Variants in PTER observed in about 807,000 individuals in gnomAD.
The protein encoded by PTER is N-acetyltaurine hydrolase.
A neutral mutation model predicts 29.6 loss-of-function variants in PTER; 38 were observed. The ratio of observed to expected loss-of-function variants is 1.28; its 90% CI spans 0.99 to 1.68. The LOEUF (loss-of-function observed/expected upper bound fraction) is 1.68. Ranked by LOEUF, PTER falls within the 40% of genes most tolerant of loss-of-function variation. The probability of loss-of-function intolerance (pLI) is 0.00; values close to 1 mark genes in which losing one functional copy is unlikely to be tolerated. For missense variants in PTER, 482 were observed against 427.8 expected, an observed-to-expected ratio of 1.13 and a Z score of -1.12; for synonymous variants, 172 against 154.5, an observed-to-expected ratio of 1.11 and a Z score of -0.84.
At chr10:16,509,349 T>A (rs1348091264) in intron 4 of PTER, among the ~76,000 whole-genome samples, 1 of 152,236 alleles carries the variant, frequency 6.6e-6, no homozygotes, top group African/African-American at 2.4e-5. Flanking sequence ...CGGTTTTAAG[T>A]ATGAGTATCT....
intron 1 of PTER, among the ~76,000 whole-genome samples, chr10:16,462,348 G>T (rs1834644790): frequency 6.6e-6 from 1 of 152,068 alleles, no homozygotes; most frequent in Non-Finnish European, 1.5e-5. Context: ...TGTCAAAGTG[G>T]TTTACTTCCT....
rs533214450 is a variant in PTER, at chr10:16,503,012, C to A, written c.699-2008C>A. Among the ~76,000 whole-genome samples the A allele has an allele frequency of 1.2e-3, 160 of 135,368 alleles. 1 individual carries two copies. Among genetic ancestry groups the A allele is most frequent in the African/African-American group, 4.1e-3 (146 of 35,420 alleles). The allele number at this position is 135,368 out of a possible 152,430, so 88.8% of individuals were successfully genotyped here. A position where few individuals can be genotyped will look rare whatever the true frequency, so the allele number is the denominator to read the frequency against. On this transcript the variant is annotated intron_variant, in intron 3 of 4. Coordinates refer to ENST00000535784, the MANE Select transcript of PTER (RefSeq NM_001261836.2). ...TCAAAAAAAAAAAAAAAAAAAAAAT[C>A]TCTGAAAATACTTCTGACCTCTTAG...
At chr10:16,503,756 T>A (rs1836454589) in intron 3 of PTER, among the ~76,000 whole-genome samples, 1 of 152,168 alleles carries the variant, frequency 6.6e-6, no homozygotes, top group Non-Finnish European at 1.5e-5. Context: ...GCTAGACTGG[T>A]CTGGAACACC....
At chr10:16,485,823 GT>G (rs1324959722) in intron 2 of PTER, among the ~76,000 whole-genome samples, 1 of 152,162 alleles carries the variant, frequency 6.6e-6, no homozygotes, top group Non-Finnish European at 1.5e-5. Context: ...GCCTTGTGCG[GT>G]GATGCAAGCG....
chr10:16,472,815 A>G (rs1267367621), intron 1 of PTER, among the ~76,000 whole-genome samples: 1 of 152,230 alleles, frequency 6.6e-6, no homozygotes, highest in Admixed American at 6.5e-5. Context: ...CAAATAAAAT[A>G]CACTGTGCTT....
At chr10:16,509,057 GTC>G (rs1364200717) in intron 4 of PTER, among the ~76,000 whole-genome samples, 1 of 152,168 alleles carries the variant, frequency 6.6e-6, no homozygotes, top group African/African-American at 2.4e-5. Flanking sequence ...ACACTTTGTA[GTC>G]TCTCTCTAAT....
In PTER at chr10:16,451,742, G is replaced by C. The variant is rs896095660; in HGVS notation, c.-49+14695G>C. On this transcript the variant is annotated intron_variant, in intron 1 of 4. Coordinates refer to ENST00000535784, the MANE Select transcript of PTER (RefSeq NM_001261836.2). ...TAAATAAATAAATAAAATAAAATTG[G>C]ACAGTAGTTTTCTCTGCCTAATTAG... Among the ~76,000 whole-genome samples the C allele has an allele frequency of 3.9e-5, 6 of 152,152 alleles. No homozygotes were observed. The South Asian group carries it at 1.2e-3, about 32-fold the overall frequency.
At chr10:16,458,242 C>G (rs1445345944) in intron 1 of PTER, among the ~76,000 whole-genome samples, 2 of 151,434 alleles carry the variant, frequency 1.3e-5, no homozygotes, top group Non-Finnish European at 2.9e-5. Context: ...TTTTTAAGCT[C>G]TCATATCACA....
At chr10:16,461,742 AC>A (rs981224153) in intron 1 of PTER, among the ~76,000 whole-genome samples, 12 of 152,152 alleles carry the variant, frequency 7.9e-5, no homozygotes, top group African/African-American at 2.7e-4. Context: ...CAAACTCTCA[AC>A]AAAATTTTGA....
At chr10:16,442,028 C>T (rs1165221663) in intron 1 of PTER, among the ~76,000 whole-genome samples, 1 of 152,054 alleles carries the variant, frequency 6.6e-6, no homozygotes, top group African/African-American at 2.4e-5. Flanking sequence ...GTAATAGCAA[C>T]TTATCTTGCA....
Position 16,459,898 on chromosome 10 carries a change from C to T in PTER, c.-49+22851C>T, listed in dbSNP as rs545748079. Among the ~76,000 whole-genome samples, 49 of 152,222 alleles carry T rather than the reference C, an allele frequency of 3.2e-4. 1 individual carries two copies. In the South Asian group the frequency reaches 7.5e-3, roughly 23 times the overall value. ...GAGTGGCTGGGATTACAGGCATGCG[C>T]CACCATGCCTGGGTAATTTTGTATT... On this transcript the variant is annotated intron_variant, in intron 1 of 4. Transcript: ENST00000535784.
intron 4 of PTER, among the ~76,000 whole-genome samples, chr10:16,509,570 G>A (rs569410542): frequency 1.2e-3 from 183 of 152,268 alleles, no homozygotes; most frequent in African/African-American, 3.9e-3. Context: ...CTCCTATACC[G>A]TGATACTTCT....
chr10:16,464,790 G>A (rs565253282), intron 1 of PTER, among the ~76,000 whole-genome samples: 35 of 152,254 alleles, frequency 2.3e-4, no homozygotes, highest in Admixed American at 7.2e-4. Context: ...CTTTGTACCT[G>A]TATCCATCCA....
intron 1 of PTER, among the ~76,000 whole-genome samples, chr10:16,479,141 A>G (rs1181221667): frequency 6.6e-6 from 1 of 151,946 alleles, no homozygotes; most frequent in African/African-American, 2.4e-5. Flanking sequence ...TCCAACGACA[A>G]GCTGCTCATT....
chr10:16,499,301 G>C (rs920153260), intron 3 of PTER, among the ~76,000 whole-genome samples: 11 of 151,906 alleles, frequency 7.2e-5, no homozygotes, highest in African/African-American at 2.7e-4. Flanking sequence ...TTATTTTCAG[G>C]ACTTTCCTTT....
At chr10:16,503,909 G>A (rs1309641628) in intron 3 of PTER, among the ~76,000 whole-genome samples, 2 of 152,128 alleles carry the variant, frequency 1.3e-5, no homozygotes, top group Admixed American at 6.5e-5. Context: ...AAGCCAATAA[G>A]ACAATGACTG....
intron 1 of PTER, among the ~76,000 whole-genome samples, chr10:16,449,534 C>G (rs1468849914): frequency 7.1e-6 from 1 of 140,682 alleles, no homozygotes; most frequent in Non-Finnish European, 1.5e-5. Flanking sequence ...CTCTTTGCTT[C>G]TGCTGTCCAT....
chr10:16,491,587 A>G (rs975226145), intron 3 of PTER, among the ~76,000 whole-genome samples: 2 of 152,154 alleles, frequency 1.3e-5, no homozygotes, highest in African/African-American at 2.4e-5. Context: ...TCCCCAAAAC[A>G]AGGCCTCCAA....
In PTER at chr10:16,484,484, G is replaced by A. The variant is rs1461581295; in HGVS notation, c.100G>A (p.Asp34Asn). ...LTHEHLAMTF[D>N]CCYCPPPPCQ... ...CCATGAACACCTGGCCATGACCTTT[G>A]ACTGCTGTTACTGTCCACCTCCCCC... Residue 34 changes from aspartate to asparagine, a missense_variant, in exon 2 of 5, where the codon GAC becomes AAC. Physicochemically the swap from Asp to Asn is conservative, Grantham distance 23. Transcript: ENST00000535784. The A allele has an allele frequency of 6.2e-7, 1 of 1,613,986 alleles. No individual in the cohort carries two copies. Among genetic ancestry groups the A allele is most frequent in the Non-Finnish European group, 8.5e-7 (1 of 1,179,992 alleles).
Sources: allele counts gnomAD v4.1 joint callset (sites outside exome capture counted in the v4.1 genomes callset), GRCh38; gene constraint gnomAD v4.1.1; transcripts MANE v1.5; gene names NCBI Gene and HGNC (gene_info 2026-07-23, HGNC 2026-07-21).